SLC71A2: variants seen among roughly 807,000 people sequenced by gnomAD.
The protein encoded by SLC71A2 is solute carrier family 71 member 2, also known as hippocampus abundant transcript-like 1.
chr9:94,428,224 A>G, the SLC71A2 span, among the ~76,000 whole-genome samples: 1 of 151,414 alleles, frequency 6.6e-6, no homozygotes, highest in Non-Finnish European at 1.5e-5. Context: ...AAATCAAGTT[A>G]TTCAACAGTT....
the SLC71A2 span, among the ~76,000 whole-genome samples, chr9:94,422,072 TG>T: frequency 6.6e-6 from 1 of 152,098 alleles, no homozygotes; most frequent in Non-Finnish European, 1.5e-5. Context: ...TTAGTAGAGA[TG>T]GGGTTTCGCC....
At chr9:94,440,840 T>A in the SLC71A2 span, 63 of 404,260 alleles carry the variant, frequency 1.6e-4, no homozygotes, top group East Asian at 2.3e-3. Context: ...TTAACTTAAA[T>A]TTTTTTTGAT....
At chr9:94,384,558 T>A in the SLC71A2 span, among the ~76,000 whole-genome samples, 1 of 152,180 alleles carries the variant, frequency 6.6e-6, no homozygotes. Flanking sequence ...CAGGGTGGTC[T>A]CAAACTCCTG....
the SLC71A2 span, among the ~76,000 whole-genome samples, chr9:94,391,000 G>A: frequency 6.6e-6 from 1 of 151,930 alleles, no homozygotes; most frequent in African/African-American, 2.4e-5. Context: ...GTGCCTGAGT[G>A]TGGAGAGACA....
chr9:94,461,030 A>G, the SLC71A2 span: 29 of 152,112 alleles, frequency 1.9e-4, no homozygotes, highest in African/African-American at 6.5e-4. Context: ...AAAGGTATGT[A>G]TTTTCAAAAA....
chr9:94,392,309 T>A, the SLC71A2 span, among the ~76,000 whole-genome samples: 109 of 150,872 alleles, frequency 7.2e-4, no homozygotes, highest in African/African-American at 2.5e-3. Flanking sequence ...AGTGGTGGGC[T>A]TCCTATTTTC....
At chr9:94,459,065 T>G in the SLC71A2 span, 1 of 1,274,008 alleles carries the variant, frequency 7.8e-7, no homozygotes, top group Non-Finnish European at 1.1e-6. Context: ...ATGATTCACT[T>G]TTTGGTGGTG....
the SLC71A2 span, among the ~76,000 whole-genome samples, chr9:94,417,225 TA>T: frequency 9.9e-5 from 15 of 152,218 alleles, no homozygotes; most frequent in Admixed American, 9.8e-4. Flanking sequence ...ATAACAAACT[TA>T]CCATTTTCAC....
At chr9:94,389,607 T>C in the SLC71A2 span, among the ~76,000 whole-genome samples, 1 of 148,084 alleles carries the variant, frequency 6.8e-6, no homozygotes, top group African/African-American at 2.5e-5. Flanking sequence ...AGGACCCCCT[T>C]TTATTCCTTA....
At chr9:94,441,557 T>C in the SLC71A2 span, among the ~76,000 whole-genome samples, 1 of 152,200 alleles carries the variant, frequency 6.6e-6, no homozygotes, top group African/African-American at 2.4e-5. Flanking sequence ...AATTGAACAT[T>C]TGAATTTTTT....
At chr9:94,459,157 A>G in the SLC71A2 span, 5 of 1,612,302 alleles carry the variant, frequency 3.1e-6, no homozygotes, top group Admixed American at 1.7e-5. Context: ...TCCACGTTCA[A>G]CAGGGAGCTG....
At chr9:94,423,175 G>C in the SLC71A2 span, among the ~76,000 whole-genome samples, 6 of 150,280 alleles carry the variant, frequency 4.0e-5, no homozygotes, top group Non-Finnish European at 8.9e-5. Context: ...GACCTCAAGT[G>C]ATCTGCCTGC....
chr9:94,438,200 A>G, the SLC71A2 span, among the ~76,000 whole-genome samples: 2 of 152,060 alleles, frequency 1.3e-5, no homozygotes, highest in Admixed American at 1.3e-4. Context: ...GGCCTTCCAA[A>G]GTGCTGGGAT....
At chr9:94,441,899 T>C in the SLC71A2 span, among the ~76,000 whole-genome samples, 1 of 152,186 alleles carries the variant, frequency 6.6e-6, no homozygotes, top group Non-Finnish European at 1.5e-5. Context: ...GAAAGACTTG[T>C]TAGAAGATAG....
At chr9:94,386,373 G>A in the SLC71A2 span, among the ~76,000 whole-genome samples, 1 of 150,996 alleles carries the variant, frequency 6.6e-6, no homozygotes, top group African/African-American at 2.4e-5. Context: ...CTCAGGCAAG[G>A]TTTTCCTGAT....
chr9:94,432,239 G>A, the SLC71A2 span, among the ~76,000 whole-genome samples: 10 of 152,226 alleles, frequency 6.6e-5, no homozygotes, highest in South Asian at 1.2e-3. Flanking sequence ...AGTGGCTCAC[G>A]CCTGTAATCC....
the SLC71A2 span, among the ~76,000 whole-genome samples, chr9:94,405,264 G>A: frequency 6.6e-6 from 1 of 152,098 alleles, no homozygotes; most frequent in Non-Finnish European, 1.5e-5. Flanking sequence ...GGAAGGCTGA[G>A]GCGGGCAGAT....
the SLC71A2 span, chr9:94,456,354 C>T: frequency 6.2e-7 from 1 of 1,603,090 alleles, no homozygotes; most frequent in African/African-American, 1.3e-5. Context: ...TCACTGCCCC[C>T]CACTTGTTTT....
At chr9:94,402,225 A>C in the SLC71A2 span, among the ~76,000 whole-genome samples, 1 of 152,304 alleles carries the variant, frequency 6.6e-6, no homozygotes, top group African/African-American at 2.4e-5. Context: ...CCCAGCTCCT[A>C]TTCAAGATGG....
Sources: gnomAD v4.1 joint callset for allele counts (sites outside exome capture counted in the v4.1 genomes callset) on GRCh38, gnomAD v4.1.1 for gene constraint, MANE v1.5 for transcripts, NCBI Gene and HGNC (gene_info 2026-07-23, HGNC 2026-07-21) for gene names.